The following METTL25 variants were observed in gnomAD, a reference collection of about 807,000 sequenced individuals.
METTL25 encodes methyltransferase like 25, also known as probable methyltransferase-like protein 25.
Under a neutral mutation model 71.6 loss-of-function variants are expected in METTL25, and 64 were observed. That is an observed-to-expected ratio of 0.89 (90% CI 0.73 to 1.10). METTL25 has a LOEUF of 1.10. Ranked by LOEUF, METTL25 falls within the 50% of genes least tolerant of loss-of-function variation. METTL25 has a pLI of 0.00. For missense variants in METTL25, 807 were observed against 707.0 expected (o/e 1.14, Z -1.60); for synonymous variants, 287 against 250.3 (o/e 1.15, Z -1.38).
chr12:82,388,540 C>T (rs1410542496), intron 2 of METTL25, among the ~76,000 whole-genome samples: 2 of 152,002 alleles, frequency 1.3e-5, no homozygotes, highest in African/African-American at 4.8e-5. Context: ...GAGTGTACCT[C>T]TGCATCAAGG....
chr12:82,461,900 A>G (rs1891904441), intron 9 of METTL25, among the ~76,000 whole-genome samples: 1 of 152,218 alleles, frequency 6.6e-6, no homozygotes, highest in Non-Finnish European at 1.5e-5. Context: ...ACAAACTACA[A>G]GCACCTGAGC....
chr12:82,463,954 G>A (rs2642010), intron 9 of METTL25, among the ~76,000 whole-genome samples: 128,879 of 151,840 alleles, frequency 0.85, 55,051 homozygotes, highest in East Asian at 1. Flanking sequence ...TGTTGTTGTT[G>A]TTGTTCTTGT....
At chr12:82,436,156 A>G (rs60927033) in intron 7 of METTL25, among the ~76,000 whole-genome samples, 1,955 of 151,414 alleles carry the variant, frequency 0.013, 12 homozygotes, top group Middle Eastern at 0.024. Flanking sequence ...CTTACACTCA[A>G]TCTTATTAGT....
intron 1 of METTL25, among the ~76,000 whole-genome samples, chr12:82,366,762 TTC>T: frequency 6.6e-6 from 1 of 152,336 alleles, no homozygotes; most frequent in Admixed American, 6.5e-5. Flanking sequence ...AATTAGTGTG[TTC>T]TGTTTTACTC....
At chr12:82,413,018 G>A (rs1010773360) in intron 5 of METTL25, among the ~76,000 whole-genome samples, 4 of 151,576 alleles carry the variant, frequency 2.6e-5, no homozygotes, top group Admixed American at 1.3e-4. Flanking sequence ...ATAAATCCTT[G>A]AAGAAAAGAA....
chr12:82,449,220 C>T (rs1335478146), intron 8 of METTL25, among the ~76,000 whole-genome samples: 1 of 152,148 alleles, frequency 6.6e-6, no homozygotes, highest in African/African-American at 2.4e-5. Flanking sequence ...CTGTTCTTAA[C>T]TTCTCATCAT....
At chr12:82,463,147 A>G (rs1252101011) in intron 9 of METTL25, among the ~76,000 whole-genome samples, 3 of 152,010 alleles carry the variant, frequency 2.0e-5, no homozygotes, top group Non-Finnish European at 2.9e-5. Flanking sequence ...TCATCCTGCA[A>G]TGCTATAGAC....
intron 10 of METTL25, 58 bp downstream of exon 10, chr12:82,476,776 C>G (rs1892906048): frequency 4.4e-6 from 5 of 1,130,316 alleles, no homozygotes; most frequent in Non-Finnish European, 6.4e-6. Context: ...GAATAGGGTC[C>G]TATTAAATTT....
At chr12:82,381,381 T>C (rs569561118) in intron 1 of METTL25, among the ~76,000 whole-genome samples, 1 of 152,320 alleles carries the variant, frequency 6.6e-6, no homozygotes, top group East Asian at 1.9e-4. Context: ...ATACATTCAA[T>C]GTGATGTTAA....
intron 5 of METTL25, among the ~76,000 whole-genome samples, chr12:82,414,189 G>T (rs1887782282): frequency 6.6e-6 from 1 of 152,040 alleles, no homozygotes; most frequent in Non-Finnish European, 1.5e-5. Flanking sequence ...ATAAGCTTTT[G>T]TTACAATATC....
At chr12:82,384,333 A>G (rs1012986932) in intron 1 of METTL25, among the ~76,000 whole-genome samples, 1 of 152,092 alleles carries the variant, frequency 6.6e-6, no homozygotes, top group African/African-American at 2.4e-5. Flanking sequence ...ACTTTCTCAC[A>G]TAACTGTTTC....
At chr12:82,387,715 G>GCGCGCA (rs1555204987) in intron 2 of METTL25, among the ~76,000 whole-genome samples, 5 of 150,562 alleles carry the variant, frequency 3.3e-5, no homozygotes, top group African/African-American at 1.2e-4. Flanking sequence ...ACACACACGC[G>GCGCGCA]CACACACACA....
intron 4 of METTL25, among the ~76,000 whole-genome samples, chr12:82,400,533 T>C (rs1886520649): frequency 6.6e-6 from 1 of 151,794 alleles, no homozygotes; most frequent in Admixed American, 6.6e-5. Flanking sequence ...ATGAAATTAG[T>C]AATTATTTTA....
At chr12:82,431,396 C>T (rs1889489159) in intron 6 of METTL25, among the ~76,000 whole-genome samples, 1 of 151,550 alleles carries the variant, frequency 6.6e-6, no homozygotes, top group Non-Finnish European at 1.5e-5. Flanking sequence ...AGACCTAGAA[C>T]ACTCTAGCCC....
chr12:82,477,352 G>C lies in METTL25; in HGVS notation c.1719G>C (p.Gln573His), dbSNP rs201955224. 1.2e-4 allele frequency: 175 copies of C among 1,498,214 alleles called. No individual in the cohort carries two copies. Among genetic ancestry groups the C allele is most frequent in the Non-Finnish European group, 1.4e-4 (150 of 1,098,858 alleles). 92.8% of individuals were successfully genotyped at this position (1,498,214 alleles called of 1,614,324 possible). A position where few individuals can be genotyped will look rare whatever the true frequency, so the allele number is the denominator to read the frequency against. ...ATCGACTTTGTTACCTGAAAGAGCA[G>C]GTAAATTATGTTATTTTAAAATACA... ...LLDRLCYLKE[Q>H]EDIAWSALVK... The change falls in exon 11 of 12, where the codon CAG becomes CAC. Residue 573 changes from glutamine (Q) to histidine (H), a missense_variant and splice_region_variant. Transcript: ENST00000248306.
intron 4 of METTL25, among the ~76,000 whole-genome samples, chr12:82,401,217 A>G (rs1419521686): frequency 6.6e-6 from 1 of 152,070 alleles, no homozygotes. Flanking sequence ...TGTCTAGGAC[A>G]TAGGCTAAAA....
At chr12:82,358,869 G>A (rs1881358937) in intron 1 of METTL25, 45 bp downstream of exon 1, 1 of 1,555,824 alleles carries the variant, frequency 6.4e-7, no homozygotes, top group Non-Finnish European at 8.7e-7. Flanking sequence ...CGGAGGAGAA[G>A]GTCCCGGCAG....
At chr12:82,394,304 T>G (rs1223259702) in intron 3 of METTL25, among the ~76,000 whole-genome samples, 1 of 151,962 alleles carries the variant, frequency 6.6e-6, no homozygotes, top group African/African-American at 2.4e-5. Context: ...TCCCCAACTA[T>G]TATTATATTT....
intron 4 of METTL25, among the ~76,000 whole-genome samples, chr12:82,401,514 A>G (rs185276361): frequency 1.3e-5 from 2 of 152,162 alleles, no homozygotes; most frequent in African/African-American, 2.4e-5. Flanking sequence ...AGTTTCCTCA[A>G]TTTGCTTTCC....
Sources: allele counts gnomAD v4.1 joint callset (sites outside exome capture counted in the v4.1 genomes callset), GRCh38; gene constraint gnomAD v4.1.1; transcripts MANE v1.5; gene names NCBI Gene and HGNC (gene_info 2026-07-23, HGNC 2026-07-21).